The following GABRG1 variants were observed in gnomAD, a reference collection of about 807,000 sequenced individuals.
GABRG1 encodes the protein gamma-aminobutyric acid type A receptor subunit gamma1, also known as gamma-aminobutyric acid receptor subunit gamma-1.
Under a neutral mutation model 49.8 loss-of-function variants are expected in GABRG1, and 49 were observed. That is an observed-to-expected ratio of 0.98 (90% confidence interval 0.78 to 1.25). The LOEUF (loss-of-function observed/expected upper bound fraction) is 1.25. Among genes scored for constraint, GABRG1 ranks in the 50% most tolerant of loss-of-function variants. The pLI, the probability that GABRG1 is intolerant of heterozygous loss-of-function variation, is 0.00. For missense variants in GABRG1, 552 were observed against 552.3 expected (o/e 1.00, Z 0.01); for synonymous variants, 232 against 185.1 (o/e 1.25, Z -2.06).
chr4:46,066,280 C>A (rs1262299099), intron 3 of GABRG1, among the ~76,000 whole-genome samples: 1 of 151,970 alleles, frequency 6.6e-6, no homozygotes, highest in East Asian at 1.9e-4. Flanking sequence ...TTTTTAAGAG[C>A]CCTTACATTG....
At chr4:46,071,252 C>A (rs1719106473) in intron 3 of GABRG1, among the ~76,000 whole-genome samples, 1 of 151,744 alleles carries the variant, frequency 6.6e-6, no homozygotes, top group Non-Finnish European at 1.5e-5. Context: ...ATTTACCATA[C>A]AATAATTTCT....
intron 2 of GABRG1, among the ~76,000 whole-genome samples, chr4:46,092,352 G>T (rs902744200): frequency 8.6e-5 from 13 of 151,870 alleles, no homozygotes; most frequent in Admixed American, 4.6e-4. Context: ...ATGGAAAAAG[G>T]TTTGAAATTT....
intron 1 of GABRG1, among the ~76,000 whole-genome samples, chr4:46,121,366 T>A (rs990053447): frequency 3.9e-5 from 6 of 151,990 alleles, no homozygotes; most frequent in Non-Finnish European, 1.5e-5. Flanking sequence ...TACCTCCAAC[T>A]AAATATTAAA....
chr4:46,092,613 C>T (rs972682099), intron 2 of GABRG1, among the ~76,000 whole-genome samples: 1 of 151,710 alleles, frequency 6.6e-6, no homozygotes, highest in Non-Finnish European at 1.5e-5. Context: ...TCAATAATTA[C>T]CTTAAACATA....
At chr4:46,116,209 T>A (rs563826439) in intron 1 of GABRG1, among the ~76,000 whole-genome samples, 3 of 150,858 alleles carry the variant, frequency 2.0e-5, no homozygotes, top group South Asian at 2.1e-4. Context: ...AAATTGTAAA[T>A]GTTATTTTAT....
At chr4:46,066,772 C>T (rs918539544) in intron 3 of GABRG1, among the ~76,000 whole-genome samples, 11 of 151,308 alleles carry the variant, frequency 7.3e-5, no homozygotes, top group Non-Finnish European at 1.0e-4. Flanking sequence ...AGGCATTTAA[C>T]ATATATAAAA....
intron 1 of GABRG1, among the ~76,000 whole-genome samples, chr4:46,109,675 T>A (rs531490884): frequency 6.6e-6 from 1 of 151,192 alleles, no homozygotes; most frequent in Non-Finnish European, 1.5e-5. Context: ...TTCTTAACAC[T>A]GCTTTTGCAG....
In GABRG1 at chr4:46,090,933, TACACACACACACACACACACATACAC is replaced by T. The variant is rs1364066038; in HGVS notation, c.253+6242_253+6267del. Among the ~76,000 whole-genome samples, 94 of 139,348 alleles carry T rather than the reference TACACACACACACACACACACATACAC, an allele frequency of 6.7e-4. 1 individual carries two copies. The highest frequency in any genetic ancestry group is 1.8e-3 in the African/African-American group (68 of 37,300). 91.4% of individuals were successfully genotyped at this position (139,348 alleles called of 152,430 possible). On this transcript the variant is annotated intron_variant, in intron 2 of 8. Coordinates refer to ENST00000295452, the MANE Select transcript of GABRG1 (RefSeq NM_173536.4). ...CAGGACAGCTAGGACTTCCCTGGAA[TACACACACACACACACACACATACAC>T]ACACACACACACACACACACACACA...
Position 46,037,350 on chromosome 4 carries a change from T to G in GABRG1, c.*3638A>C, listed in dbSNP as rs1247511097. The stretch of plus-strand genomic sequence containing the variant: ...CATTTGGAAAGTCCTTGATAAAGTT[T>G]GGTAATGGTTTTTGTAACTGTATAG... On this transcript the variant is annotated 3_prime_UTR_variant, in exon 9 of 9. Coordinates refer to ENST00000295452, the MANE Select transcript of GABRG1 (RefSeq NM_173536.4). The G allele has an allele frequency of 1.3e-5, 2 of 151,844 alleles. No individual in the cohort carries two copies. Among genetic ancestry groups the G allele is most frequent in the African/African-American group, 4.8e-5 (2 of 41,424 alleles). The allele number at this position is 151,844 out of a possible 1,614,324, so 9.4% of individuals were successfully genotyped here. A position where few individuals can be genotyped will look rare whatever the true frequency, so the allele number is the denominator to read the frequency against.
intron 8 of GABRG1, among the ~76,000 whole-genome samples, chr4:46,046,879 A>G (rs1480686205): frequency 2.0e-5 from 3 of 152,124 alleles, no homozygotes; most frequent in African/African-American, 7.2e-5. Flanking sequence ...CATCCTGCTT[A>G]AAAACGTGTA....
At chr4:46,121,176 C>T (rs1721080423) in intron 1 of GABRG1, among the ~76,000 whole-genome samples, 1 of 151,732 alleles carries the variant, frequency 6.6e-6, no homozygotes, top group Non-Finnish European at 1.5e-5. Flanking sequence ...AAAAATGCTT[C>T]CAATTTGGGA....
At position 46,101,347 on chromosome 4, in the gene GABRG1, C is replaced by A. The variant is rs555282817; in HGVS notation, c.105-3998G>T. 5.3e-4 allele frequency among the ~76,000 whole-genome samples: 80 copies of A among 151,576 alleles called. 2 individuals are homozygous for A. In the South Asian group the frequency reaches 0.016, roughly 31 times the overall value. On this transcript the variant is annotated intron_variant, in intron 1 of 8. Transcript: ENST00000295452. Reference sequence around the variant, plus strand: ...CTTTATTGAATAATCTAGGGTGGTTCGGTTTTGAATTTCCTAATTCACAAG... The same window carrying A: ...CTTTATTGAATAATCTAGGGTGGTTAGGTTTTGAATTTCCTAATTCACAAG...
Position 46,039,351 on chromosome 4 carries a change from A to G in GABRG1, c.*1637T>C, listed in dbSNP as rs1367925617. The G allele has an allele frequency of 6.6e-6, 1 of 151,682 alleles. No individual in the cohort carries two copies. Among genetic ancestry groups the G allele is most frequent in the Middle Eastern group, 3.2e-3 (1 of 316 alleles). 9.4% of individuals were successfully genotyped at this position (151,682 alleles called of 1,614,324 possible). ...AAAAAAAAAATAGAGTTAGCTGGGA[A>G]CACACAGTAAATTATAAATAAATTA... On this transcript the variant is annotated 3_prime_UTR_variant, in exon 9 of 9. Transcript: ENST00000295452.
intron 1 of GABRG1, among the ~76,000 whole-genome samples, chr4:46,110,440 A>G (rs1213725314): frequency 1.3e-5 from 2 of 150,998 alleles, no homozygotes; most frequent in Non-Finnish European, 3.0e-5. Context: ...CAGCAGATGG[A>G]TGGGTCTTGT....
intron 8 of GABRG1, among the ~76,000 whole-genome samples, chr4:46,050,528 CATTT>C (rs1341563158): frequency 1.3e-5 from 2 of 151,864 alleles, no homozygotes; most frequent in Admixed American, 6.6e-5. Flanking sequence ...ATACATTTCT[CATTT>C]ATTTGAGTAT....
intron 2 of GABRG1, among the ~76,000 whole-genome samples, chr4:46,089,524 T>C (rs1286581056): frequency 4.6e-5 from 7 of 152,102 alleles, no homozygotes; most frequent in African/African-American, 1.7e-4. Flanking sequence ...ACCCCCACAG[T>C]GTCACCCTAG....
intron 2 of GABRG1, among the ~76,000 whole-genome samples, chr4:46,096,525 C>A (rs975740046): frequency 2.0e-5 from 3 of 151,622 alleles, no homozygotes; most frequent in African/African-American, 7.2e-5. Context: ...CCTTTTATTT[C>A]TTTTCCCTAT....
At chr4:46,071,247 C>T (rs943281786) in intron 3 of GABRG1, among the ~76,000 whole-genome samples, 13 of 151,742 alleles carry the variant, frequency 8.6e-5, no homozygotes, top group Admixed American at 3.3e-4. Flanking sequence ...TACATATTTA[C>T]CATACAATAA....
At chr4:46,056,976 G>A (rs930366715) in intron 7 of GABRG1, among the ~76,000 whole-genome samples, 1 of 151,890 alleles carries the variant, frequency 6.6e-6, no homozygotes, top group Non-Finnish European at 1.5e-5. Context: ...CAAACCCAGT[G>A]GTATAAATAA....
Sources: allele counts gnomAD v4.1 joint callset (sites outside exome capture counted in the v4.1 genomes callset), GRCh38; gene constraint gnomAD v4.1.1; transcripts MANE v1.5; gene names NCBI Gene and HGNC (gene_info 2026-07-23, HGNC 2026-07-21).